DENND4C: variants seen among roughly 807,000 people sequenced by gnomAD.
DENND4C encodes the protein DENN domain containing 4C, also known as DENN domain-containing protein 4C.
Under a neutral mutation model 203.0 loss-of-function variants are expected in DENND4C, and 108 were observed. The ratio of observed to expected loss-of-function variants is 0.53; its 90% CI spans 0.46 to 0.62. DENND4C has a LOEUF of 0.62. Among genes scored for constraint, DENND4C ranks in the 20% least tolerant of loss-of-function variants. The pLI, the probability that DENND4C is intolerant of heterozygous loss-of-function variation, is 0.00. For missense variants in DENND4C, 2,481 were observed against 2,301.2 expected, an observed-to-expected ratio of 1.08 and a Z score of -1.60; for synonymous variants, 871 against 792.4, an observed-to-expected ratio of 1.10 and a Z score of -1.67.
chr9:19,244,075 G>A (rs1327367430), intron 1 of DENND4C, among the ~76,000 whole-genome samples: 2 of 152,052 alleles, frequency 1.3e-5, no homozygotes, highest in Non-Finnish European at 2.9e-5. Context: ...CTGCCGCCCA[G>A]GCTGAAGTGC....
At chr9:19,249,934 A>G (rs1826150194) in intron 1 of DENND4C, among the ~76,000 whole-genome samples, 1 of 152,178 alleles carries the variant, frequency 6.6e-6, no homozygotes, top group Non-Finnish European at 1.5e-5. Flanking sequence ...CTGGGATTGC[A>G]GGCATGAGCC....
At chr9:19,243,727 T>C (rs1824368002) in intron 1 of DENND4C, among the ~76,000 whole-genome samples, 1 of 152,228 alleles carries the variant, frequency 6.6e-6, no homozygotes, top group African/African-American at 2.4e-5. Context: ...ACACCACATT[T>C]TGTTTATCAT....
intron 10 of DENND4C, among the ~76,000 whole-genome samples, chr9:19,305,988 G>C (rs560336320): frequency 1.3e-5 from 2 of 152,306 alleles, no homozygotes; most frequent in South Asian, 4.1e-4. Context: ...GTTGTTTACT[G>C]CTTAGAAATT....
At position 19,287,802 on chromosome 9, in the gene DENND4C, G is replaced by A. The variant is rs528219464; in HGVS notation, c.558+781G>A. 1.2e-3 allele frequency among the ~76,000 whole-genome samples: 188 copies of A among 152,012 alleles called. 3 individuals are homozygous for A. Among genetic ancestry groups the A allele is most frequent in the Middle Eastern group, 3.4e-3 (1 of 294 alleles). On this transcript the variant is annotated intron_variant, in intron 3 of 32. Transcript: ENST00000434457. ...GGCTGGAGTGCAGTGGCGTGATCTT[G>A]GCTCACTGCAACCTCCACCTCCCAG... is the stretch of plus-strand genomic sequence containing the variant.
chr9:19,279,388 G>A (rs971178970), intron 2 of DENND4C, among the ~76,000 whole-genome samples: 3 of 150,870 alleles, frequency 2.0e-5, no homozygotes, highest in African/African-American at 7.3e-5. Context: ...ATAAAAATGA[G>A]CAAGGGCCCG....
intron 26 of DENND4C, 144 bp downstream of exon 26, chr9:19,352,809 A>G: frequency 1.8e-6 from 1 of 540,556 alleles, no homozygotes; most frequent in Non-Finnish European, 3.1e-6. Context: ...AAATACTAGT[A>G]ATGTGGGAGT....
At chr9:19,300,027 C>T (rs143169570) in intron 8 of DENND4C, among the ~76,000 whole-genome samples, 160 bp from the exon 9 acceptor site, 20 of 152,250 alleles carry the variant, frequency 1.3e-4, no homozygotes, top group African/African-American at 3.9e-4. Context: ...TAAATCACCC[C>T]GTTATCTATC....
At position 19,372,141 on chromosome 9, in the gene DENND4C, T is replaced by C; in HGVS notation, c.5845T>C (p.Cys1949Arg). 6.2e-7 allele frequency: 1 copy of C among 1,613,742 alleles called. No homozygotes were observed. The highest frequency in any genetic ancestry group is 8.5e-7 in the Non-Finnish European group (1 of 1,179,852). ...TCCACCAAGTGCCAGTGTCGAGTGG[T>C]GCAGGAAGTGTTTTGGAGCGCCTCT... Reference protein sequence around the residue: ...DAPPSASVEWCRKCFGAPLI With the variant: ...DAPPSASVEWRRKCFGAPLI The change falls in exon 33 of 33, where the codon TGC (cysteine) becomes CGC (arginine). Residue 1949 changes from cysteine to arginine, a missense_variant. Around this residue, in one of 3 missense-constraint regions of DENND4C, gnomAD observed 2,289 missense variants for 2,113.3 expected, o/e 1.08. Coordinates refer to ENST00000434457, the MANE Select transcript of DENND4C (RefSeq NM_001330640.2).
rs34362623 is a variant in DENND4C at position 19,283,163 on chromosome 9, A to ATTT, written c.306-3597_306-3595dup. ...TATAGATATGAACTACTGTGCCTGGATTTTTTTTTTTAACTGTTTAAACTA... is the reference window on the plus strand; with the variant it reads ...TATAGATATGAACTACTGTGCCTGGATTTTTTTTTTTTTTAACTGTTTAAACTA... On this transcript the variant is annotated intron_variant, in intron 2 of 32. Coordinates refer to ENST00000434457, the MANE Select transcript of DENND4C (RefSeq NM_001330640.2). 7.1e-3 allele frequency among the ~76,000 whole-genome samples: 1,064 copies of ATTT among 150,552 alleles called. 15 individuals are homozygous for ATTT. Among genetic ancestry groups the ATTT allele is most frequent in the African/African-American group, 0.025 (1,028 of 40,916 alleles).
chr9:19,305,627 G>A (rs1839499830), intron 10 of DENND4C, 100 bp downstream of exon 10: 2 of 1,252,732 alleles, frequency 1.6e-6, no homozygotes, highest in African/African-American at 1.5e-5. Flanking sequence ...TTTGGTAGTT[G>A]TTAAATCTTC....
rs13285485 is a variant in DENND4C, at chr9:19,289,429, A to T, written c.628+764A>T. Among the ~76,000 whole-genome samples, 20 of 152,170 alleles carry T rather than the reference A, an allele frequency of 1.3e-4. No homozygotes were observed. In the South Asian group the frequency reaches 3.9e-3, roughly 30 times the overall value. On this transcript the variant is annotated intron_variant, in intron 4 of 32. Transcript: ENST00000434457. ...AGTCAGGCAAATTCATATCCAAAAA[A>T]TCGTGATTTTCATAAAAACATTCAT...
At chr9:19,244,764 C>T (rs1385307204) in intron 1 of DENND4C, among the ~76,000 whole-genome samples, 1 of 151,350 alleles carries the variant, frequency 6.6e-6, no homozygotes, top group Admixed American at 6.6e-5. Context: ...AAGTAGTTGC[C>T]TTAGGGTTTA....
intron 1 of DENND4C, among the ~76,000 whole-genome samples, chr9:19,249,026 G>T (rs1825925607): frequency 6.6e-6 from 1 of 152,014 alleles, no homozygotes; most frequent in Admixed American, 6.6e-5. Context: ...CCTGACCTTG[G>T]TTGATCCACC....
intron 12 of DENND4C, among the ~76,000 whole-genome samples, chr9:19,319,239 GTATATA>G (rs1040696740): frequency 4.2e-5 from 6 of 141,968 alleles, no homozygotes; most frequent in African/African-American, 1.6e-4. Context: ...ATTTATATAT[GTATATA>G]TATAAACATA....
intron 13 of DENND4C, 67 bp downstream of exon 13, chr9:19,324,574 T>C (rs1843413865): frequency 4.7e-6 from 7 of 1,492,244 alleles, no homozygotes. Context: ...ATTATCATTG[T>C]TATTGTTAGT....
At chr9:19,307,491 C>T (rs368175372) in intron 10 of DENND4C, among the ~76,000 whole-genome samples, 9 of 151,276 alleles carry the variant, frequency 5.9e-5, no homozygotes, top group African/African-American at 1.9e-4. Flanking sequence ...AGAAATAGGC[C>T]GGGCACAGTG....
chr9:19,244,517 G>T (rs1031365973), intron 1 of DENND4C, among the ~76,000 whole-genome samples: 4 of 151,450 alleles, frequency 2.6e-5, no homozygotes, highest in African/African-American at 4.9e-5. Context: ...GAGGCGGGAG[G>T]AGCATGAGGT....
rs1820080581 is a variant in DENND4C at position 19,334,846 on chromosome 9, T to C, written c.2461-131T>C. ...TGAATAGGTCTTAAAAATAATTTGC[T>C]AAGATGCTCAAAGCAGAACAAAGGA... On this transcript the variant is annotated intron_variant, in intron 17 of 32. Coordinates refer to ENST00000434457, the MANE Select transcript of DENND4C (RefSeq NM_001330640.2). The C allele has an allele frequency of 4.3e-6, 4 of 939,100 alleles. No individual in the cohort carries two copies. In the South Asian group the frequency reaches 8.5e-5, roughly 20 times the overall value. 58.2% of individuals were successfully genotyped at this position (939,100 alleles called of 1,614,324 possible). A position where few individuals can be genotyped will look rare whatever the true frequency, so the allele number is the denominator to read the frequency against.
At chr9:19,360,101 C>T in intron 28 of DENND4C, 143 bp from the exon 29 acceptor site, 3 of 789,680 alleles carry the variant, frequency 3.8e-6, no homozygotes, top group Non-Finnish European at 5.9e-6. Context: ...GGTTTTCATT[C>T]ATTAGCATAT....
Sources: allele counts gnomAD v4.1 joint callset (sites outside exome capture counted in the v4.1 genomes callset), GRCh38; gene constraint gnomAD v4.1.1; regional missense constraint gnomAD v4.1.1; transcripts MANE v1.5; gene names NCBI Gene and HGNC (gene_info 2026-07-23, HGNC 2026-07-21).